The following USP34 variants were observed in gnomAD, a reference collection of about 807,000 sequenced individuals.
USP34 encodes the protein ubiquitin carboxyl-terminal hydrolase 34.
Under a neutral mutation model 460.3 loss-of-function variants are expected in USP34, and 70 were observed. The observed-to-expected ratio is 0.15, with a 90% CI of 0.13 to 0.19. USP34 has a LOEUF of 0.19. Ranked by LOEUF, USP34 falls within the 10% of genes least tolerant of loss-of-function variation. USP34 has a pLI of 1.00. For missense variants in USP34, 3,985 were observed against 4,236.2 expected (o/e 0.94, Z 1.65); for synonymous variants, 1,647 against 1,405.3 (o/e 1.17, Z -3.85).
chr2:61,283,154 A>G lies in USP34; in HGVS notation c.4989T>C (p.Leu1663=). 6.2e-7 allele frequency: 1 copy of G among 1,613,236 alleles called. No individual in the cohort carries two copies. The highest frequency in any genetic ancestry group is 8.5e-7 in the Non-Finnish European group (1 of 1,179,484). The change falls in exon 37 of 80, where the codon CTT becomes CTC. Residue 1663 remains leucine (L), a synonymous_variant. Transcript: ENST00000398571. ...TCAATCTTTATCTTACCTCAGGAAT[A>G]AGGAGAGTCAATTTCTTTAGCCAAT... ...LQDWLKKLTL[L]IPETAVRHES... is the part of the protein sequence containing the mutation.
intron 41 of USP34, among the ~76,000 whole-genome samples, chr2:61,276,810 A>G (rs755112106): frequency 6.6e-6 from 1 of 152,224 alleles, no homozygotes; most frequent in Non-Finnish European, 1.5e-5. Context: ...TAGGGGAAGT[A>G]GCAAAGATTT....
chr2:61,228,785 A>G (rs1687802720), intron 60 of USP34, 42 bp downstream of exon 60: 1 of 1,591,092 alleles, frequency 6.3e-7, no homozygotes, highest in African/African-American at 1.4e-5. Context: ...AAATACTGAA[A>G]AAAGGTAGAT....
intron 10 of USP34, among the ~76,000 whole-genome samples, chr2:61,361,368 G>C (rs1329899657): frequency 6.6e-6 from 1 of 152,224 alleles, no homozygotes; most frequent in East Asian, 1.9e-4. Flanking sequence ...GCTGCAATGA[G>C]CTGTGACTGA....
intron 5 of USP34, among the ~76,000 whole-genome samples, chr2:61,391,013 T>G (rs1368168696): frequency 6.6e-6 from 1 of 151,830 alleles, no homozygotes; most frequent in East Asian, 1.9e-4. Context: ...GAGAATCGCT[T>G]GAATCTGGGA....
chr2:61,283,511 T>C (rs1030656193), intron 35 of USP34, 62 bp from the exon 36 acceptor site: 6 of 1,534,796 alleles, frequency 3.9e-6, no homozygotes, highest in African/African-American at 1.4e-5. Context: ...AATAATTCAA[T>C]TTATTAACAT....
At chr2:61,221,660 C>T in intron 65 of USP34, 54 bp from the exon 66 acceptor site, 1 of 1,532,814 alleles carries the variant, frequency 6.5e-7, no homozygotes, top group Non-Finnish European at 9.0e-7. Context: ...CCATCTCCTT[C>T]AGCAGAGAAG....
chr2:61,437,538 C>G (rs1694845793), intron 1 of USP34, among the ~76,000 whole-genome samples: 1 of 152,024 alleles, frequency 6.6e-6, no homozygotes, highest in African/African-American at 2.4e-5. Flanking sequence ...CTTTGGCAGG[C>G]TGAGGTAGGC....
At chr2:61,274,474 C>T (rs1034247990) in intron 41 of USP34, among the ~76,000 whole-genome samples, 3 of 149,080 alleles carry the variant, frequency 2.0e-5, no homozygotes, top group African/African-American at 2.5e-5. Flanking sequence ...ATTCATATTA[C>T]AGTGAGATAG....
At chr2:61,325,507 C>T (rs756237328) in intron 20 of USP34, 50 bp from the exon 21 acceptor site, 3 of 1,271,930 alleles carry the variant, frequency 2.4e-6, no homozygotes, top group Middle Eastern at 2.8e-4. Flanking sequence ...TTCTTAATTA[C>T]TTTTAAAAAT....
intron 7 of USP34, among the ~76,000 whole-genome samples, chr2:61,378,936 A>C (rs899582387): frequency 6.2e-4 from 91 of 147,348 alleles, no homozygotes; most frequent in African/African-American, 2.1e-3. Context: ...AAAAAAAAAA[A>C]ACAACACTAA....
intron 44 of USP34, among the ~76,000 whole-genome samples, chr2:61,259,381 TTCCC>T (rs1251141743): frequency 3.9e-5 from 6 of 152,092 alleles, no homozygotes; most frequent in Non-Finnish European, 8.8e-5. Context: ...CCTAATTTGT[TTCCC>T]TCCATGTTTC....
intron 35 of USP34, among the ~76,000 whole-genome samples, chr2:61,283,758 A>G (rs1258240821): frequency 2.0e-5 from 3 of 152,186 alleles, no homozygotes; most frequent in African/African-American, 7.2e-5. Context: ...TGGGACTACA[A>G]GCATGTGCCA....
In USP34 at chr2:61,387,544, TA is replaced by T. The variant is rs564800532; in HGVS notation, c.754-4209del. Among the ~76,000 whole-genome samples, 445 of 147,092 alleles carry T rather than the reference TA, an allele frequency of 3.0e-3. 1 individual carries two copies. Among genetic ancestry groups the T allele is most frequent in the African/African-American group, 0.01 (424 of 40,530 alleles). On this transcript the variant is annotated intron_variant, in intron 5 of 79. Coordinates refer to ENST00000398571, the MANE Select transcript of USP34 (RefSeq NM_014709.4). ...ATATATTTATATATACACACATATA[TA>T]AAATATATATATTTATATATACACA... is the stretch of plus-strand genomic sequence containing the variant.
At chr2:61,427,054 T>C (rs1364515591) in intron 1 of USP34, among the ~76,000 whole-genome samples, 1 of 152,174 alleles carries the variant, frequency 6.6e-6, no homozygotes, top group African/African-American at 2.4e-5. Context: ...TTTTTTCTTT[T>C]TGACATGGAG....
intron 2 of USP34, chr2:61,417,253 C>T: frequency 4.7e-6 from 6 of 1,271,864 alleles, no homozygotes; most frequent in Non-Finnish European, 6.8e-6. Context: ...GGCCTGTCTC[C>T]AAGGTCCCTT....
chr2:61,288,220 C>G (rs940486458), intron 34 of USP34, among the ~76,000 whole-genome samples: 16 of 152,172 alleles, frequency 1.1e-4, no homozygotes, highest in African/African-American at 3.9e-4. Context: ...CTGCAAGCTT[C>G]TAAGTTCCTG....
In USP34 at chr2:61,423,862, T is replaced by A. The variant is rs188079361; in HGVS notation, c.44-3029A>T. Among the ~76,000 whole-genome samples the A allele has an allele frequency of 2.8e-3, 419 of 152,186 alleles. 1 individual carries two copies. The highest frequency in any genetic ancestry group is 9.4e-3 in the African/African-American group (390 of 41,530). ...GCTACTCAGGACACTAAGGATAACG[T>A]GGGAGAATGGCTTGAGTCCAGAAGT... On this transcript the variant is annotated intron_variant, in intron 1 of 79. Coordinates refer to ENST00000398571, the MANE Select transcript of USP34 (RefSeq NM_014709.4).
chr2:61,232,676 G>T, intron 57 of USP34, 144 bp from the exon 58 acceptor site: 1 of 686,054 alleles, frequency 1.5e-6, no homozygotes, highest in Non-Finnish European at 2.5e-6. Context: ...TGTCATAAAA[G>T]TCAAACTCTA....
At chr2:61,215,549 C>G (rs1322046620) in intron 67 of USP34, among the ~76,000 whole-genome samples, 1 of 152,176 alleles carries the variant, frequency 6.6e-6, no homozygotes, top group Non-Finnish European at 1.5e-5. Context: ...TTACTATCAA[C>G]AAAGCATTGA....
Sources: gnomAD v4.1 joint callset for allele counts (sites outside exome capture counted in the v4.1 genomes callset) on GRCh38, gnomAD v4.1.1 for gene constraint, MANE v1.5 for transcripts, NCBI Gene and HGNC (gene_info 2026-07-23, HGNC 2026-07-21) for gene names.